Variants in PRKAR1B observed in about 807,000 individuals in gnomAD.
PRKAR1B encodes protein kinase cAMP-dependent type I regulatory subunit beta.
In PRKAR1B, 22 loss-of-function variants were observed where a neutral mutation model predicts 46.5. That is an observed-to-expected ratio of 0.47 (90% CI 0.34 to 0.68). The LOEUF is 0.68. PRKAR1B is among the 30% of genes least tolerant of loss of function. PRKAR1B has a pLI of 0.01. For missense variants in PRKAR1B, 445 were observed against 535.6 expected (o/e 0.83, Z 1.67); for synonymous variants, 259 against 217.7 (o/e 1.19, Z -1.67).
chr7:722,008 G>A (rs577989674), intron 1 of PRKAR1B, among the ~76,000 whole-genome samples: 6 of 151,504 alleles, frequency 4.0e-5, no homozygotes, highest in African/African-American at 1.2e-4. Context: ...TTAGTATGGG[G>A]TTTTTGGAGG....
chr7:724,200 C>A (rs1781170735), intron 1 of PRKAR1B, among the ~76,000 whole-genome samples: 1 of 152,178 alleles, frequency 6.6e-6, no homozygotes, highest in Non-Finnish European at 1.5e-5. Context: ...CTCCAACACT[C>A]CCCGTCTCCC....
chr7:688,042 G>A (rs1779190518), intron 2 of PRKAR1B, among the ~76,000 whole-genome samples: 1 of 138,986 alleles, frequency 7.2e-6, no homozygotes, highest in Non-Finnish European at 1.5e-5. Flanking sequence ...GTTGCAATGA[G>A]CCAAGATCAT....
At chr7:710,671 AGTCTCGCTCT>A (rs1780575672) in intron 2 of PRKAR1B, among the ~76,000 whole-genome samples, 1 of 120,300 alleles carries the variant, frequency 8.3e-6, no homozygotes, top group Admixed American at 1.0e-4. Context: ...TTTGAGACGG[AGTCTCGCTCT>A]GTCGCCCAGG....
At chr7:634,151 T>C (rs566388039) in intron 4 of PRKAR1B, among the ~76,000 whole-genome samples, 25 of 152,188 alleles carry the variant, frequency 1.6e-4, no homozygotes, top group African/African-American at 6.0e-4. Flanking sequence ...GCCTCCCCAG[T>C]AGCTAGGATT....
At chr7:579,033 T>G (rs893515674) in intron 9 of PRKAR1B, 6 of 985,394 alleles carry the variant, frequency 6.1e-6, no homozygotes, top group Non-Finnish European at 7.2e-6. Flanking sequence ...CCACCTACCT[T>G]TCTAAGAAGG....
intron 4 of PRKAR1B, among the ~76,000 whole-genome samples, chr7:673,897 C>T (rs905488605): frequency 6.6e-6 from 1 of 152,228 alleles, no homozygotes; most frequent in Admixed American, 6.5e-5. Context: ...CAGGCCCCTC[C>T]TCGCCTCTTC....
intron 4 of PRKAR1B, among the ~76,000 whole-genome samples, chr7:615,852 AAAGG>A (rs1294894394): frequency 6.6e-6 from 1 of 150,714 alleles, no homozygotes; most frequent in Non-Finnish European, 1.5e-5. Context: ...AGAAAGCAAG[AAAGG>A]AAGGAAGAAA....
chr7:576,833 G>A (rs930228210), intron 9 of PRKAR1B, among the ~76,000 whole-genome samples: 1 of 152,158 alleles, frequency 6.6e-6, no homozygotes, highest in Non-Finnish European at 1.5e-5. Context: ...GGGAAGGGTA[G>A]TGAGGATTTG....
At chr7:589,791 C>T (rs769373247) in intron 7 of PRKAR1B, among the ~76,000 whole-genome samples, 12 of 152,248 alleles carry the variant, frequency 7.9e-5, no homozygotes, top group Admixed American at 2.0e-4. Context: ...ACCGTGTGCA[C>T]GGCACCACGT....
chr7:654,444 C>G (rs925781077), intron 4 of PRKAR1B, among the ~76,000 whole-genome samples: 4 of 151,922 alleles, frequency 2.6e-5, no homozygotes. Context: ...TCACCATCAT[C>G]ATCACCATCT....
At chr7:649,617 G>A (rs921853080) in intron 4 of PRKAR1B, among the ~76,000 whole-genome samples, 4 of 151,812 alleles carry the variant, frequency 2.6e-5, no homozygotes, top group African/African-American at 9.7e-5. Flanking sequence ...TTGCTCTGTT[G>A]TCCAGGCTGG....
intron 8 of PRKAR1B, among the ~76,000 whole-genome samples, chr7:583,248 T>C (rs1322562336): frequency 1.3e-5 from 2 of 152,066 alleles, no homozygotes; most frequent in Non-Finnish European, 2.9e-5. Context: ...ACCCGCACGC[T>C]CCTTTCTCGA....
chr7:722,608 G>A (rs779485814), intron 1 of PRKAR1B, among the ~76,000 whole-genome samples: 19 of 152,098 alleles, frequency 1.2e-4, no homozygotes, highest in Admixed American at 3.3e-4. Context: ...CTGACCTCAG[G>A]TGATCTGCCC....
chr7:600,182 G>C (rs1583276542), intron 6 of PRKAR1B, among the ~76,000 whole-genome samples: 1 of 152,258 alleles, frequency 6.6e-6, no homozygotes, highest in African/African-American at 2.4e-5. Flanking sequence ...AAAATGGTTA[G>C]AATGGTCAGT....
In PRKAR1B at chr7:634,264, C is replaced by T. The variant is rs905485101; in HGVS notation, c.441-26812G>A. Among the ~76,000 whole-genome samples the T allele has an allele frequency of 7.2e-5, 11 of 151,978 alleles. No individual in the cohort carries two copies. The East Asian group carries it at 7.8e-4, about 11-fold the overall frequency. ...GTCTCGAACTCCTGACCTTGTGATC[C>T]GCCCGCCTCAGCCTCCCAAAGTGCT... On this transcript the variant is annotated intron_variant, in intron 4 of 10. Transcript: ENST00000537384.
In PRKAR1B at chr7:662,902, A is replaced by G. The variant is rs149881308; in HGVS notation, c.440+14327T>C. ...GGAGCGGCCACAGCAGGGGCCTTCC[A>G]GAAGCACCACCCTGTTCATCACCCT... On this transcript the variant is annotated intron_variant, in intron 4 of 10. Coordinates refer to ENST00000537384, the MANE Select transcript of PRKAR1B (RefSeq NM_001164760.2). 6.2e-3 allele frequency among the ~76,000 whole-genome samples: 940 copies of G among 152,304 alleles called. 16 individuals are homozygous for G. Among genetic ancestry groups the G allele is most frequent in the African/African-American group, 0.022 (909 of 41,548 alleles).
chr7:550,197 C>A lies in PRKAR1B; in HGVS notation c.*233G>T. On this transcript the variant is annotated 3_prime_UTR_variant, in exon 11 of 11. Coordinates refer to ENST00000537384, the MANE Select transcript of PRKAR1B (RefSeq NM_001164760.2). Reference sequence around the variant, plus strand: ...GGAGGCGTGTGGGGAGGAAGCTGGCCTGTCCCTTCCTTGATCTTGGGATGC... The same window carrying A: ...GGAGGCGTGTGGGGAGGAAGCTGGCATGTCCCTTCCTTGATCTTGGGATGC... 5.5e-6 allele frequency: 3 copies of A among 540,546 alleles called. No individual in the cohort carries two copies. Among genetic ancestry groups the A allele is most frequent in the Non-Finnish European group, 6.6e-6 (2 of 301,196 alleles). 33.5% of individuals were successfully genotyped at this position (540,546 alleles called of 1,614,324 possible). A position where few individuals can be genotyped will look rare whatever the true frequency, so the allele number is the denominator to read the frequency against.
At chr7:719,604 G>A (rs1781004011) in intron 1 of PRKAR1B, among the ~76,000 whole-genome samples, 1 of 152,154 alleles carries the variant, frequency 6.6e-6, no homozygotes, top group South Asian at 2.1e-4. Flanking sequence ...GTAACGTGTT[G>A]GCCCTCCTGT....
chr7:589,711 C>T (rs969320881), intron 7 of PRKAR1B, among the ~76,000 whole-genome samples: 3 of 152,190 alleles, frequency 2.0e-5, no homozygotes, highest in African/African-American at 7.2e-5. Flanking sequence ...AAGGTCATCC[C>T]GAACCTCCAC....
Sources: allele counts gnomAD v4.1 joint callset (sites outside exome capture counted in the v4.1 genomes callset), GRCh38; gene constraint gnomAD v4.1.1; transcripts MANE v1.5; gene names NCBI Gene and HGNC (gene_info 2026-07-23, HGNC 2026-07-21).